RALYL: variants seen among roughly 807,000 people sequenced by gnomAD.
RALYL encodes RNA-binding Raly-like protein.
RALYL carries 29 observed loss-of-function variants against 35.1 expected under a neutral mutation model. The ratio of observed to expected loss-of-function variants is 0.83; its 90% CI spans 0.61 to 1.13. RALYL has a LOEUF of 1.13. RALYL is among the 50% of genes most tolerant of loss of function. The probability of loss-of-function intolerance (pLI) is 0.00; values close to 1 mark genes in which losing one functional copy is unlikely to be tolerated. For missense variants in RALYL, 359 were observed against 360.4 expected (o/e 1.00, Z 0.03); for synonymous variants, 120 against 127.6 (o/e 0.94, Z 0.40).
At chr8:84,601,582 A>T (rs989208913) in intron 2 of RALYL, among the ~76,000 whole-genome samples, 1 of 151,868 alleles carries the variant, frequency 6.6e-6, no homozygotes, top group Non-Finnish European at 1.5e-5. Context: ...TTGAACACAG[A>T]TGCAGTGGCC....
intron 1 of RALYL, among the ~76,000 whole-genome samples, chr8:84,517,679 A>C (rs1389958043): frequency 3.3e-5 from 5 of 152,184 alleles, no homozygotes. Flanking sequence ...CAAAAGGGAG[A>C]TGTAAAACGT....
intron 1 of RALYL, among the ~76,000 whole-genome samples, chr8:84,523,158 G>T (rs1443175835): frequency 1.3e-5 from 2 of 152,076 alleles, no homozygotes; most frequent in Non-Finnish European, 2.9e-5. Context: ...AAAGGAAAGG[G>T]GTTTAATGGA....
At chr8:84,706,689 C>T (rs1841276344) in intron 2 of RALYL, among the ~76,000 whole-genome samples, 2 of 152,238 alleles carry the variant, frequency 1.3e-5, no homozygotes, top group South Asian at 4.1e-4. Context: ...AGCACAATTA[C>T]CCTGGCGTAA....
intron 2 of RALYL, among the ~76,000 whole-genome samples, chr8:84,532,898 A>G (rs1235209791): frequency 6.6e-6 from 1 of 152,060 alleles, no homozygotes; most frequent in African/African-American, 2.4e-5. Flanking sequence ...GTTGTTTGGC[A>G]CGTCTTTCGC....
At position 84,689,593 on chromosome 8, in the gene RALYL, A is replaced by C. The variant is rs368044451; in HGVS notation, c.257-84986A>C. On this transcript the variant is annotated intron_variant, in intron 2 of 8. Coordinates refer to ENST00000521268, the MANE Select transcript of RALYL (RefSeq NM_173848.7). ...TTTATAGTCCTTTGGGTATATACCC[A>C]GTAATGGGATGGCTGGGTCAAATGG... Among the ~76,000 whole-genome samples, 118 of 152,242 alleles carry C rather than the reference A, an allele frequency of 7.8e-4. 2 individuals are homozygous for C. The East Asian group carries it at 0.02, about 26-fold the overall frequency.
intron 1 of RALYL, among the ~76,000 whole-genome samples, chr8:84,311,037 G>C (rs1842691304): frequency 2.4e-5 from 2 of 84,732 alleles, no homozygotes; most frequent in South Asian, 8.7e-4. Flanking sequence ...CTGGGCGACA[G>C]AGCGAGACTC....
intron 2 of RALYL, among the ~76,000 whole-genome samples, chr8:84,732,683 T>TATATATATATATATACACACACACACAC: frequency 3.8e-5 from 5 of 133,250 alleles, no homozygotes; most frequent in Non-Finnish European, 6.3e-5. Context: ...TATATATATA[T>TATATATATATATATACACACACACACAC]ACACACACAC....
chr8:84,504,966 A>G (rs2057039278), intron 1 of RALYL, among the ~76,000 whole-genome samples: 1 of 152,100 alleles, frequency 6.6e-6, no homozygotes, highest in African/African-American at 2.4e-5. Flanking sequence ...GTAAGTCACC[A>G]ATGGGGAAGA....
chr8:84,310,355 G>GA (rs112900224), intron 1 of RALYL, among the ~76,000 whole-genome samples: 3,240 of 147,926 alleles, frequency 0.022, 117 homozygotes, highest in African/African-American at 0.072. Context: ...TTTTTTTAAA[G>GA]AAAAAAAAAA....
chr8:84,433,107 G>A (rs1444024168), intron 1 of RALYL, among the ~76,000 whole-genome samples: 1 of 152,030 alleles, frequency 6.6e-6, no homozygotes, highest in Non-Finnish European at 1.5e-5. Context: ...TGTGCTTATG[G>A]GAAACTTTTA....
Position 84,617,277 on chromosome 8 carries a change from G to C in RALYL, c.256+87700G>C, listed in dbSNP as rs1438680767. ...TCCTCTTTTATTTCCTTGAGCAGTGGATTGTAGTTCTCCTGCAAGAGGTCC... is the reference window on the plus strand; with the variant it reads ...TCCTCTTTTATTTCCTTGAGCAGTGCATTGTAGTTCTCCTGCAAGAGGTCC... On this transcript the variant is annotated intron_variant, in intron 2 of 8. Transcript: ENST00000521268. Among the ~76,000 whole-genome samples, 21 of 151,666 alleles carry C rather than the reference G, an allele frequency of 1.4e-4. 1 individual carries two copies. Among genetic ancestry groups the C allele is most frequent in the Non-Finnish European group, 1.0e-4 (7 of 68,030 alleles).
chr8:84,209,829 A>T (rs948883562), intron 1 of RALYL, among the ~76,000 whole-genome samples: 1 of 152,184 alleles, frequency 6.6e-6, no homozygotes, highest in Non-Finnish European at 1.5e-5. Context: ...CTACATGTGT[A>T]TGTGTACATG....
intron 2 of RALYL, among the ~76,000 whole-genome samples, chr8:84,772,951 A>G (rs1815912719): frequency 6.6e-6 from 1 of 152,166 alleles, no homozygotes; most frequent in African/African-American, 2.4e-5. Flanking sequence ...AGCATTAGGT[A>G]TAATGTTTAA....
At chr8:84,474,518 A>G (rs2053162920) in intron 1 of RALYL, among the ~76,000 whole-genome samples, 2 of 152,326 alleles carry the variant, frequency 1.3e-5, no homozygotes, top group Admixed American at 6.5e-5. Context: ...GTACTAGAGT[A>G]TATTTCCTAG....
At chr8:84,566,465 A>T (rs969413641) in intron 2 of RALYL, among the ~76,000 whole-genome samples, 36 of 151,660 alleles carry the variant, frequency 2.4e-4, no homozygotes, top group African/African-American at 8.5e-4. Context: ...TGTGCATACT[A>T]GAGCCACTTA....
intron 3 of RALYL, among the ~76,000 whole-genome samples, chr8:84,799,514 A>G (rs1822706566): frequency 6.6e-6 from 1 of 152,252 alleles, no homozygotes; most frequent in African/African-American, 2.4e-5. Context: ...AGGCAAGTAC[A>G]GAATCAAGAG....
chr8:84,193,157 CA>C (rs554966726), intron 1 of RALYL, among the ~76,000 whole-genome samples: 7 of 150,292 alleles, frequency 4.7e-5, no homozygotes, highest in Non-Finnish European at 5.9e-5. Flanking sequence ...GATATGGAGA[CA>C]AAAAAAATGA....
intron 1 of RALYL, among the ~76,000 whole-genome samples, chr8:84,223,079 C>CTTCCTTTCCT (rs1450176587): frequency 2.2e-4 from 29 of 133,102 alleles, no homozygotes; most frequent in African/African-American, 7.6e-4. Flanking sequence ...TCCCTTTGCC[C>CTTCCTTTCCT]TGCCTTTCCT....
chr8:84,422,292 G>A (rs1473424790), intron 1 of RALYL, among the ~76,000 whole-genome samples: 211 of 113,032 alleles, frequency 1.9e-3, no homozygotes, highest in African/African-American at 7.6e-3. Flanking sequence ...TGTATGTGTC[G>A]AGGAATTTAT....
Sources: allele counts gnomAD v4.1 joint callset (sites outside exome capture counted in the v4.1 genomes callset), GRCh38; gene constraint gnomAD v4.1.1; transcripts MANE v1.5; gene names NCBI Gene and HGNC (gene_info 2026-07-23, HGNC 2026-07-21).